IGSF10: variants seen among roughly 807,000 people sequenced by gnomAD.
IGSF10 encodes the protein calvaria mechanical force protein 608.
IGSF10 carries 126 observed loss-of-function variants against 128.2 expected under a neutral mutation model. The ratio of observed to expected loss-of-function variants is 0.98; its 90% CI spans 0.85 to 1.14. IGSF10 has a LOEUF of 1.14. IGSF10 is among the 50% of genes most tolerant of loss of function. The pLI is 0.00. For missense variants in IGSF10, 3,295 were observed against 3,149.8 expected (o/e 1.05, Z -1.10); for synonymous variants, 1,185 against 1,146.2 (o/e 1.03, Z -0.68).
At chr3:151,526,902 T>C in the IGSF10 span, among the ~76,000 whole-genome samples, 2 of 152,184 alleles carry the variant, frequency 1.3e-5, no homozygotes, top group African/African-American at 2.4e-5. Context: ...GCCTGCACTG[T>C]GGCCACCAGC....
the IGSF10 span, among the ~76,000 whole-genome samples, chr3:151,570,022 A>G: frequency 6.6e-6 from 1 of 152,054 alleles, no homozygotes; most frequent in Non-Finnish European, 1.5e-5. Context: ...GCTGAGAATG[A>G]TGGTTTCTAG....
At chr3:151,449,411 A>T in intron 5 of IGSF10, 146 bp from the exon 6 acceptor site, 1 of 776,428 alleles carries the variant, frequency 1.3e-6, no homozygotes, top group Non-Finnish European at 2.0e-6. Context: ...TTGCTTCTGA[A>T]TTTGATTTTT....
At chr3:151,488,505 C>T in the IGSF10 span, among the ~76,000 whole-genome samples, 1,813 of 152,126 alleles carry the variant, frequency 0.012, 95 homozygotes, top group East Asian at 0.17. Context: ...AAGAAGAGCC[C>T]GCATAGCCAA....
At chr3:151,500,856 C>T in the IGSF10 span, among the ~76,000 whole-genome samples, 1 of 151,998 alleles carries the variant, frequency 6.6e-6, no homozygotes, top group Non-Finnish European at 1.5e-5. Flanking sequence ...TCTTGAGTTC[C>T]CTCTTACAGG....
chr3:151,486,955 G>A, the IGSF10 span, among the ~76,000 whole-genome samples: 1 of 152,198 alleles, frequency 6.6e-6, no homozygotes. Flanking sequence ...AAATTCAAAA[G>A]CTAGCAGAAG....
At chr3:151,586,200 T>C in the IGSF10 span, among the ~76,000 whole-genome samples, 196 of 152,210 alleles carry the variant, frequency 1.3e-3, no homozygotes, top group African/African-American at 4.4e-3. Context: ...GCTCAAGCGA[T>C]CCGCCCACCT....
the IGSF10 span, among the ~76,000 whole-genome samples, chr3:151,493,427 A>G: frequency 2.0e-5 from 3 of 152,174 alleles, no homozygotes; most frequent in Non-Finnish European, 2.9e-5. Context: ...ACAAGATTTT[A>G]GTGAAGCAGC....
chr3:151,550,889 T>C, the IGSF10 span, among the ~76,000 whole-genome samples: 2 of 152,304 alleles, frequency 1.3e-5, no homozygotes, highest in African/African-American at 2.4e-5. Context: ...CTGCCTGCGA[T>C]TGTATGCTTG....
chr3:151,495,988 A>C, the IGSF10 span, among the ~76,000 whole-genome samples: 1 of 152,146 alleles, frequency 6.6e-6, no homozygotes, highest in African/African-American at 2.4e-5. Flanking sequence ...GGTCAAAGTC[A>C]ACCTATGATT....
At chr3:151,534,085 T>C in the IGSF10 span, among the ~76,000 whole-genome samples, 1 of 152,158 alleles carries the variant, frequency 6.6e-6, no homozygotes, top group Non-Finnish European at 1.5e-5. Flanking sequence ...ATTAGAGAAA[T>C]GCAAGTCAAA....
chr3:151,445,357 T>C lies in IGSF10; in HGVS notation c.4624A>G (p.Ile1542Val). 1 of 1,614,186 alleles carries C rather than the reference T, an allele frequency of 6.2e-7. No individual in the cohort carries two copies. The highest frequency in any genetic ancestry group is 8.5e-7 in the Non-Finnish European group (1 of 1,180,010). Residue 1542 changes from isoleucine (I) to valine (V), a missense_variant, in exon 6 of 8, where the codon ATC becomes GTC. By Grantham distance (29) the Ile-to-Val change is conservative. Coordinates refer to ENST00000282466, the MANE Select transcript of IGSF10 (RefSeq NM_178822.5). ...AKFTIGTTHF[I>V]YSNLLHSTPM... Reference sequence around the variant, plus strand: ...GTAGAATGTAACAGATTAGAGTAGATGAAGTGAGTGGTTCCAATTGTGAAC... The same window carrying C: ...GTAGAATGTAACAGATTAGAGTAGACGAAGTGAGTGGTTCCAATTGTGAAC...
At chr3:151,563,738 T>A in the IGSF10 span, among the ~76,000 whole-genome samples, 87 of 152,346 alleles carry the variant, frequency 5.7e-4, no homozygotes, top group Non-Finnish European at 1.1e-3. Context: ...TGATATTTTA[T>A]AAGTATTTAG....
rs769542792 is a variant in IGSF10, at chr3:151,445,680, C to G, written c.4301G>C (p.Ser1434Thr). The G allele has an allele frequency of 1.2e-6, 2 of 1,614,180 alleles. No homozygotes were observed. ...CAAAGTTGTTTCAGAAGCAATTGTG[C>G]TCTTCAAAGTCTGAGTACTTGCTTG... is the stretch of plus-strand genomic sequence containing the variant. Reference protein sequence around the residue: ...LAQASTQTLKSTIASETTLSS... With the variant: ...LAQASTQTLKTTIASETTLSS... The change falls in exon 6 of 8, where the codon AGC becomes ACC. Residue 1434 changes from serine (S) to threonine (T), a missense_variant. Physicochemically the swap from Ser to Thr is moderately conservative, Grantham distance 58 (BLOSUM62 1). Transcript: ENST00000282466.
At chr3:151,615,273 G>C in the IGSF10 span, among the ~76,000 whole-genome samples, 1 of 151,820 alleles carries the variant, frequency 6.6e-6, no homozygotes, top group Non-Finnish European at 1.5e-5. Flanking sequence ...CAAAATGATG[G>C]TGTGTTTTTT....
chr3:151,580,210 G>T, the IGSF10 span, among the ~76,000 whole-genome samples: 2 of 152,106 alleles, frequency 1.3e-5, no homozygotes, highest in East Asian at 3.9e-4. Context: ...GCCAGATGTG[G>T]TCATCTCCAG....
the IGSF10 span, among the ~76,000 whole-genome samples, chr3:151,617,956 G>C: frequency 2.6e-5 from 4 of 152,228 alleles, no homozygotes; most frequent in African/African-American, 9.6e-5. Context: ...CGAATAAATG[G>C]TCAAGAACAA....
chr3:151,486,453 G>A, the IGSF10 span, among the ~76,000 whole-genome samples: 2 of 152,094 alleles, frequency 1.3e-5, no homozygotes, highest in African/African-American at 4.8e-5. Flanking sequence ...ACTCACCTCT[G>A]GACCAAGCAG....
intron 4 of IGSF10, among the ~76,000 whole-genome samples, chr3:151,455,102 CTTTTTTGCGTTTTGTTTT>C (rs1560182134): frequency 6.6e-6 from 1 of 151,046 alleles, no homozygotes; most frequent in Non-Finnish European, 1.5e-5. Flanking sequence ...AATAAAGTTT[CTTTTTTGCGTTTTGTTTT>C]TTTTTTTGAG....
the IGSF10 span, among the ~76,000 whole-genome samples, chr3:151,511,903 A>G: frequency 6.6e-6 from 1 of 152,250 alleles, no homozygotes; most frequent in African/African-American, 2.4e-5. Flanking sequence ...CAATTCAACA[A>G]GAAAAACTAA....
Sources: allele counts gnomAD v4.1 joint callset (sites outside exome capture counted in the v4.1 genomes callset), GRCh38; gene constraint gnomAD v4.1.1; transcripts MANE v1.5; gene names NCBI Gene and HGNC (gene_info 2026-07-23, HGNC 2026-07-21).